The following WDR48 variants were observed in gnomAD, a reference collection of about 807,000 sequenced individuals.
WDR48 encodes the protein WD repeat-containing protein 48.
A neutral mutation model predicts 94.0 loss-of-function variants in WDR48; 22 were observed. The observed-to-expected ratio is 0.23, with a 90% confidence interval of 0.17 to 0.33. WDR48 has a LOEUF of 0.33. Among genes scored for constraint, WDR48 ranks in the 10% least tolerant of loss-of-function variants. The probability of loss-of-function intolerance (pLI) is 1.00; values close to 1 mark genes in which losing one functional copy is unlikely to be tolerated. For synonymous variants in WDR48, 278 were observed against 280.5 expected (o/e 0.99, Z 0.09); for missense variants, 541 against 813.8 (o/e 0.66, Z 4.08).
chr3:39,095,077 CTTG>C lies in WDR48; in HGVS notation c.*337_*339del, dbSNP rs1263055387. The stretch of plus-strand genomic sequence containing the variant: ...AAAGGACCTTATCTACCCATTAACA[CTTG>C]TTAGAGACACCTCAGTCGGGCCACA... On this transcript the variant is annotated 3_prime_UTR_variant, in exon 19 of 19. Transcript: ENST00000302313. 1 of 300,650 alleles carries C rather than the reference CTTG, an allele frequency of 3.3e-6. No individual in the cohort carries two copies. The highest frequency in any genetic ancestry group is 2.1e-5 in the African/African-American group (1 of 46,858). 18.6% of individuals were successfully genotyped at this position (300,650 alleles called of 1,614,324 possible). A position where few individuals can be genotyped will look rare whatever the true frequency, so the allele number is the denominator to read the frequency against.
intron 8 of WDR48, among the ~76,000 whole-genome samples, 166 bp from the exon 9 acceptor site, chr3:39,076,973 G>T (rs954871200): frequency 1.3e-5 from 2 of 152,154 alleles, no homozygotes; most frequent in Non-Finnish European, 2.9e-5. Context: ...ATTTAGCAAA[G>T]AAAAAGACTC....
intron 8 of WDR48, among the ~76,000 whole-genome samples, chr3:39,076,847 T>G (rs193100068): frequency 4.6e-5 from 7 of 152,322 alleles, no homozygotes; most frequent in African/African-American, 1.7e-4. Context: ...TTATGGAAAG[T>G]CTTTATCCTT....
chr3:39,052,269 T>G lies in WDR48; in HGVS notation c.48+196T>G, dbSNP rs2032462047. 4.9e-6 allele frequency: 3 copies of G among 617,048 alleles called. No homozygotes were observed. The South Asian group carries it at 6.2e-5, about 13-fold the overall frequency. 38.2% of individuals were successfully genotyped at this position (617,048 alleles called of 1,614,324 possible). A position where few individuals can be genotyped will look rare whatever the true frequency, so the allele number is the denominator to read the frequency against. ...GGCGGGGGTCGGCTTGCTTGGCCCTTGGGGCCCAGGCCCGGGACCCTCGTG... is the reference window on the plus strand; with the variant it reads ...GGCGGGGGTCGGCTTGCTTGGCCCTGGGGGCCCAGGCCCGGGACCCTCGTG... On this transcript the variant is annotated intron_variant, in intron 1 of 18. Coordinates refer to ENST00000302313, the MANE Select transcript of WDR48 (RefSeq NM_020839.4).
intron 7 of WDR48, among the ~76,000 whole-genome samples, chr3:39,071,962 A>G (rs897244331): frequency 6.6e-6 from 1 of 152,226 alleles, no homozygotes; most frequent in Non-Finnish European, 1.5e-5. Flanking sequence ...AGATTCTTGA[A>G]TTCTTGTAAT....
chr3:39,093,238 AAG>A, intron 17 of WDR48, among the ~76,000 whole-genome samples: 1 of 152,182 alleles, frequency 6.6e-6, no homozygotes, highest in Non-Finnish European at 1.5e-5. Flanking sequence ...ATTGAGCACT[AAG>A]AGTGTCGGAC....
In WDR48 at chr3:39,066,582, A is replaced by G. The variant is rs752118513; in HGVS notation, c.303A>G (p.Val101=). ...CTTCTTCTGACACGACAGTAAAAGTATGGAATGCACACAAGGGATTTTGCA... is the reference window on the plus strand; with the variant it reads ...CTTCTTCTGACACGACAGTAAAAGTGTGGAATGCACACAAGGGATTTTGCA... ...ISASSDTTVK[V]WNAHKGFCMS... is the part of the protein sequence containing the mutation. Residue 101 remains valine (V), a synonymous_variant, in exon 4 of 19, where the codon GTA becomes GTG. Coordinates refer to ENST00000302313, the MANE Select transcript of WDR48 (RefSeq NM_020839.4). The G allele has an allele frequency of 3.1e-6, 5 of 1,613,780 alleles. No homozygotes were observed. In the South Asian group the frequency reaches 3.3e-5, roughly 11 times the overall value.
intron 11 of WDR48, among the ~76,000 whole-genome samples, chr3:39,080,372 T>A (rs1348810406): frequency 6.6e-6 from 1 of 152,258 alleles, no homozygotes; most frequent in East Asian, 1.9e-4. Context: ...GTTACAACTC[T>A]GGGTCATGTT....
intron 2 of WDR48, 61 bp downstream of exon 2, chr3:39,063,251 A>C: frequency 6.3e-7 from 1 of 1,579,438 alleles, no homozygotes; most frequent in Non-Finnish European, 8.6e-7. Flanking sequence ...TTACTGTCTA[A>C]TATGACACTT....
At position 39,070,131 on chromosome 3, in the gene WDR48, A is replaced by G. The variant is rs936187884; in HGVS notation, c.672+387A>G. ...TAGGGGCACATTTTGTCAGTTGACT[A>G]TGTAGATATAGTTGATAAATTTAGT... On this transcript the variant is annotated intron_variant, in intron 7 of 18. Coordinates refer to ENST00000302313, the MANE Select transcript of WDR48 (RefSeq NM_020839.4). Among the ~76,000 whole-genome samples, 6 of 152,356 alleles carry G rather than the reference A, an allele frequency of 3.9e-5. No homozygotes were observed. The South Asian group carries it at 6.2e-4, about 16-fold the overall frequency.
chr3:39,084,267 G>A lies in WDR48; in HGVS notation c.1281+5G>A. 1 of 1,569,622 alleles carries A rather than the reference G, an allele frequency of 6.4e-7. No homozygotes were observed. The highest frequency in any genetic ancestry group is 8.7e-7 in the Non-Finnish European group (1 of 1,142,922). On this transcript the variant is annotated splice_donor_5th_base_variant and intron_variant, in intron 12 of 18. Coordinates refer to ENST00000302313, the MANE Select transcript of WDR48 (RefSeq NM_020839.4). ...TCAGTAGACTTAAAAACAGGGGTAA[G>A]TTAGCAATTGATACTTGTATGATTT...
intron 17 of WDR48, among the ~76,000 whole-genome samples, chr3:39,092,841 C>G (rs1343019239): frequency 1.3e-5 from 2 of 151,428 alleles, no homozygotes; most frequent in East Asian, 3.9e-4. Context: ...TTTGCTTCAC[C>G]TATACCTCTA....
intron 11 of WDR48, among the ~76,000 whole-genome samples, chr3:39,082,606 G>A (rs1437265776): frequency 6.6e-6 from 1 of 152,156 alleles, no homozygotes; most frequent in Non-Finnish European, 1.5e-5. Flanking sequence ...AATGAAAGGA[G>A]TATGAGGAAA....
At chr3:39,075,488 A>C (rs2034174534) in intron 8 of WDR48, among the ~76,000 whole-genome samples, 1 of 152,116 alleles carries the variant, frequency 6.6e-6, no homozygotes, top group Non-Finnish European at 1.5e-5. Context: ...AGGCTGCTTC[A>C]TACTCCAAAC....
chr3:39,092,738 T>TA (rs1378116532), intron 17 of WDR48, among the ~76,000 whole-genome samples: 26 of 152,150 alleles, frequency 1.7e-4, no homozygotes, highest in Non-Finnish European at 2.4e-4. Context: ...ACCTTTTTAT[T>TA]ACAGAGATTT....
At chr3:39,070,374 T>C (rs2033858038) in intron 7 of WDR48, among the ~76,000 whole-genome samples, 1 of 152,038 alleles carries the variant, frequency 6.6e-6, no homozygotes, top group Admixed American at 6.6e-5. Flanking sequence ...GACTCAGCCA[T>C]TTTTTTTCCA....
rs2035337253 is a variant in WDR48 at position 39,096,406 on chromosome 3, T to C, written c.*1663T>C. 6.6e-6 allele frequency: 1 copy of C among 152,090 alleles called. No homozygotes were observed. The highest frequency in any genetic ancestry group is 2.4e-5 in the African/African-American group (1 of 41,392). The allele number at this position is 152,090 out of a possible 1,614,324, so 9.4% of individuals were successfully genotyped here. On this transcript the variant is annotated 3_prime_UTR_variant, in exon 19 of 19. Transcript: ENST00000302313. ...TTAATGGCAAAGAAAAAAAAAATTA[T>C]TTACCAGCCCTCAGTTGTGTTTGCC...
intron 5 of WDR48, 123 bp downstream of exon 5, chr3:39,066,998 A>G: frequency 8.4e-7 from 1 of 1,183,646 alleles, no homozygotes; most frequent in Non-Finnish European, 1.2e-6. Flanking sequence ...GAGTGCTTCT[A>G]CCTACAGCGT....
chr3:39,090,957 T>A (rs2035046741), intron 16 of WDR48: 1 of 152,246 alleles, frequency 6.6e-6, no homozygotes, highest in Non-Finnish European at 1.5e-5. Context: ...CATTGCTGAC[T>A]TTAGCCCTGT....
At chr3:39,080,669 A>T (rs1054979341) in intron 11 of WDR48, among the ~76,000 whole-genome samples, 2 of 152,224 alleles carry the variant, frequency 1.3e-5, no homozygotes, top group East Asian at 3.8e-4. Context: ...AACCTTATAG[A>T]TAAAGAAGGA....
Sources: gnomAD v4.1 joint callset for allele counts (sites outside exome capture counted in the v4.1 genomes callset) on GRCh38, gnomAD v4.1.1 for gene constraint, MANE v1.5 for transcripts, NCBI Gene and HGNC (gene_info 2026-07-23, HGNC 2026-07-21) for gene names.